Variants in LRP11 observed in about 807,000 individuals in gnomAD.
The protein encoded by LRP11 is LDL receptor related protein 11.
LRP11 carries 25 observed loss-of-function variants against 43.1 expected under a neutral mutation model. The ratio of observed to expected loss-of-function variants is 0.58; its 90% CI spans 0.42 to 0.81. The LOEUF is 0.81. Ranked by LOEUF, LRP11 falls within the 30% of genes least tolerant of loss-of-function variation. The pLI, the probability that LRP11 is intolerant of heterozygous loss-of-function variation, is 0.00. For missense variants in LRP11, 623 were observed against 665.1 expected (o/e 0.94, Z 0.70); for synonymous variants, 316 against 299.4 (o/e 1.06, Z -0.57).
intron 5 of LRP11, among the ~76,000 whole-genome samples, chr6:149,829,402 AAT>A (rs562164880): frequency 5.7e-4 from 87 of 152,146 alleles, no homozygotes; most frequent in Non-Finnish European, 1.1e-3. Flanking sequence ...CTCTACTAAA[AAT>A]ACAAAAATTA....
intron 2 of LRP11, among the ~76,000 whole-genome samples, chr6:149,848,353 C>T (rs1432298945): frequency 2.0e-5 from 3 of 152,152 alleles, no homozygotes; most frequent in Non-Finnish European, 4.4e-5. Context: ...ACAGAACTAT[C>T]ATTTGACCCA....
chr6:149,844,130 G>A (rs1345454700), intron 2 of LRP11, among the ~76,000 whole-genome samples: 1 of 151,910 alleles, frequency 6.6e-6, no homozygotes, highest in Non-Finnish European at 1.5e-5. Flanking sequence ...GCGTGCGCCT[G>A]TAGTCCCAGG....
At chr6:149,852,828 C>T (rs1030015169) in intron 2 of LRP11, among the ~76,000 whole-genome samples, 175 bp downstream of exon 2, 1 of 148,986 alleles carries the variant, frequency 6.7e-6, no homozygotes, top group African/African-American at 2.4e-5. Context: ...TGCTCACTCT[C>T]AGCAGAAAAG....
Position 149,850,359 on chromosome 6 carries a change from C to T in LRP11, c.771+2644G>A, listed in dbSNP as rs151303440. Among the ~76,000 whole-genome samples the T allele has an allele frequency of 8.6e-3, 1,316 of 152,260 alleles. 25 individuals are homozygous for T. The highest frequency in any genetic ancestry group is 0.03 in the African/African-American group (1,240 of 41,558). On this transcript the variant is annotated intron_variant, in intron 2 of 6. Coordinates refer to ENST00000239367, the MANE Select transcript of LRP11 (RefSeq NM_032832.6). The stretch of plus-strand genomic sequence containing the variant: ...AGAAATGTTGGGGTGTGAAATAAGG[C>T]TGCTCAAGTTAAAGGGATCAGAGGC...
chr6:149,856,706 G>A (rs1188514259), intron 1 of LRP11, among the ~76,000 whole-genome samples: 1 of 152,184 alleles, frequency 6.6e-6, no homozygotes, highest in Non-Finnish European at 1.5e-5. Context: ...GATTGAGAAT[G>A]AGCAAATCAA....
intron 2 of LRP11, among the ~76,000 whole-genome samples, chr6:149,844,202 A>G (rs976189127): frequency 3.3e-5 from 5 of 151,782 alleles, no homozygotes; most frequent in Admixed American, 2.0e-4. Flanking sequence ...GTAGTGTGCC[A>G]AGATCACCCA....
rs150313121 is a variant in LRP11, at chr6:149,827,032, T to A, written c.1253-673A>T. On this transcript the variant is annotated intron_variant, in intron 5 of 6. Transcript: ENST00000239367. This position sits in a 1 kb window ranked among gnomAD's most constrained non-coding sequence, Gnocchi z 4.2. ...CCCAGATTGGAGTGCAGTGGCACGA[T>A]CTTGGCTCACTGCAACGTCCACCTC... Among the ~76,000 whole-genome samples, 1,137 of 151,680 alleles carry A rather than the reference T, an allele frequency of 7.5e-3. 52 individuals are homozygous for A. The highest frequency in any genetic ancestry group is 0.059 in the Admixed American group (892 of 15,198).
Position 149,853,123 on chromosome 6 carries a change from A to T in LRP11, c.651T>A (p.Asp217Glu). ...DAPPLSKAGQ[D>E]VVLHLPTDGV... is the part of the protein sequence containing the mutation. ...CGTCTGTGGGCAGATGCAGAACCAC[A>T]TCCTGCCCAGCCTTGCTAAGTGGAG... Residue 217 changes from aspartate to glutamate, a missense_variant, in exon 2 of 7, where the codon GAT becomes GAA. Transcript: ENST00000239367. The T allele has an allele frequency of 6.2e-7, 1 of 1,610,402 alleles. No individual in the cohort carries two copies. Among genetic ancestry groups the T allele is most frequent in the Non-Finnish European group, 8.5e-7 (1 of 1,178,324 alleles).
intron 3 of LRP11, among the ~76,000 whole-genome samples, chr6:149,841,555 T>C (rs1159551858): frequency 2.0e-5 from 3 of 152,204 alleles, no homozygotes; most frequent in African/African-American, 7.2e-5. Flanking sequence ...ACAATATCTT[T>C]AGTGTCGCTA....
intron 1 of LRP11, among the ~76,000 whole-genome samples, chr6:149,856,285 A>G (rs1468218117): frequency 6.6e-6 from 1 of 152,240 alleles, no homozygotes; most frequent in East Asian, 1.9e-4. Context: ...CCTGGAAGAA[A>G]AAGATCATTT....
intron 6 of LRP11, among the ~76,000 whole-genome samples, 194 bp from the exon 7 acceptor site, chr6:149,820,897 G>C (rs1440405549): frequency 2.7e-5 from 4 of 148,236 alleles, no homozygotes; most frequent in African/African-American, 1.0e-4. Context: ...CTAGGAGGCT[G>C]TAAGTTGTAG....
At chr6:149,837,559 C>T (rs1776490441) in intron 3 of LRP11, 96 bp from the exon 4 acceptor site, 1 of 1,292,602 alleles carries the variant, frequency 7.7e-7, no homozygotes, top group Non-Finnish European at 1.1e-6. Flanking sequence ...ATAAAATGCA[C>T]TTCGGGGAAG....
chr6:149,836,252 G>A lies in LRP11; in HGVS notation c.1085C>T (p.Ala362Val), dbSNP rs1234418139. ...ACTCGGCCCTGTGGTTCTTGGCAGG[G>A]CAGGACTAGCTGCCGTGTGGGTTAC... is the stretch of plus-strand genomic sequence containing the variant. Reference protein sequence around the residue: ...KMVTHTAASPALPRTTGPSED... With the variant: ...KMVTHTAASPVLPRTTGPSED... Residue 362 changes from alanine to valine, a missense_variant, in exon 5 of 7, where the codon GCC becomes GTC. Coordinates refer to ENST00000239367, the MANE Select transcript of LRP11 (RefSeq NM_032832.6). 1 of 1,614,188 alleles carries A rather than the reference G, an allele frequency of 6.2e-7. No individual in the cohort carries two copies. Among genetic ancestry groups the A allele is most frequent in the South Asian group, 1.1e-5 (1 of 91,078 alleles).
At position 149,842,971 on chromosome 6, in the gene LRP11, C is replaced by T; in HGVS notation, c.913+12G>A. 1 of 1,614,002 alleles carries T rather than the reference C, an allele frequency of 6.2e-7. No homozygotes were observed. The highest frequency in any genetic ancestry group is 2.2e-5 in the East Asian group (1 of 44,884). ...CAAGCAGTGGGAAGCGAGGGAAGGA[C>T]TTTCTTCTCACCTCCTGTGGAGTAG... On this transcript the variant is annotated intron_variant, in intron 3 of 6. Transcript: ENST00000239367.
chr6:149,852,983 G>A lies in LRP11; in HGVS notation c.771+20C>T. 1 of 1,558,684 alleles carries A rather than the reference G, an allele frequency of 6.4e-7. No homozygotes were observed. The highest frequency in any genetic ancestry group is 8.7e-7 in the Non-Finnish European group (1 of 1,151,058). On this transcript the variant is annotated intron_variant, in intron 2 of 6. Transcript: ENST00000239367. ...TTCACTGAAATACTCGTTTTTGTTA[G>A]CAGTGACAACATGCGTTACCTTCAT...
Position 149,863,525 on chromosome 6 carries a change from T to C in LRP11, c.496A>G (p.Thr166Ala). 1 of 1,351,566 alleles carries C rather than the reference T, an allele frequency of 7.4e-7. No homozygotes were observed. The highest frequency in any genetic ancestry group is 9.4e-7 in the Non-Finnish European group (1 of 1,061,972). 83.7% of individuals were successfully genotyped at this position (1,351,566 alleles called of 1,614,324 possible). A position where few individuals can be genotyped will look rare whatever the true frequency, so the allele number is the denominator to read the frequency against. ...TTGCAGACGTTGCGGCCGCGCGCCGTGCAGTTGAAGAGGTAGCAGCCGAGC... is the reference window on the plus strand; with the variant it reads ...TTGCAGACGTTGCGGCCGCGCGCCGCGCAGTTGAAGAGGTAGCAGCCGAGC... ...AVLGCYLFNC[T>A]ARGRNVCKFA... The change falls in exon 1 of 7, where the codon ACG (threonine) becomes GCG (alanine). Residue 166 changes from threonine to alanine, a missense_variant. Physicochemically the swap from Thr to Ala is moderately conservative, Grantham distance 58. Transcript: ENST00000239367.
At chr6:149,853,781 G>A (rs1003065671) in intron 1 of LRP11, among the ~76,000 whole-genome samples, 2 of 152,104 alleles carry the variant, frequency 1.3e-5, no homozygotes, top group Non-Finnish European at 2.9e-5. Flanking sequence ...CAAAGTGCTG[G>A]GATTAGCAGC....
Position 149,820,671 on chromosome 6 carries a change from T to C in LRP11, c.1381A>G (p.Ile461Val), listed in dbSNP as rs779952646. The change falls in exon 7 of 7, where the codon ATC becomes GTC. Residue 461 changes from isoleucine to valine, a missense_variant. Coordinates refer to ENST00000239367, the MANE Select transcript of LRP11 (RefSeq NM_032832.6). The stretch of plus-strand genomic sequence containing the variant: ...ACCATGAGAAGCAGCAGAGCAGTGA[T>C]AGCCAAACCCAGCGCCAGGGGTAGC... The part of the protein sequence containing the change: ...AVLPLALGLA[I>V]TALLLLMVAC... 2.6e-6 allele frequency: 2 copies of C among 781,024 alleles called. No individual in the cohort carries two copies. The highest frequency in any genetic ancestry group is 1.7e-5 in the Admixed American group (1 of 59,028). 48.4% of individuals were successfully genotyped at this position (781,024 alleles called of 1,614,324 possible).
At position 149,864,080 on chromosome 6, in the gene LRP11, A is replaced by ACGCGGG. The variant is rs139821496; in HGVS notation, c.-66_-61dup. 5.4e-3 allele frequency: 6,722 copies of ACGCGGG among 1,245,634 alleles called. 321 individuals carry two copies. In the African/African-American group the frequency reaches 0.095, roughly 18 times the overall value. 77.2% of individuals were successfully genotyped at this position (1,245,634 alleles called of 1,614,324 possible). A position where few individuals can be genotyped will look rare whatever the true frequency, so the allele number is the denominator to read the frequency against. Reference sequence around the variant, plus strand: ...GGCTGAGCGCGGGAGGAAGGCGGGGACGCGGGCGAGCGCGGGCCCTGGGCC... The same window carrying ACGCGGG: ...GGCTGAGCGCGGGAGGAAGGCGGGGACGCGGGCGCGGGCGAGCGCGGGCCCTGGGCC... On this transcript the variant is annotated 5_prime_UTR_variant, in exon 1 of 7. Coordinates refer to ENST00000239367, the MANE Select transcript of LRP11 (RefSeq NM_032832.6).
Sources: allele counts gnomAD v4.1 joint callset (sites outside exome capture counted in the v4.1 genomes callset), GRCh38; gene constraint gnomAD v4.1.1; non-coding constraint Gnocchi (gnomAD v3.1); transcripts MANE v1.5; gene names NCBI Gene and HGNC (gene_info 2026-07-23, HGNC 2026-07-21).